The following GRIK4 variants were observed in gnomAD, a reference collection of about 807,000 sequenced individuals.
The protein encoded by GRIK4 is glutamate receptor ionotropic, kainate 4.
In GRIK4, 40 loss-of-function variants were observed where a neutral mutation model predicts 104.9. The observed-to-expected ratio is 0.38, with a 90% CI of 0.30 to 0.50. The LOEUF is 0.50. Among genes scored for constraint, GRIK4 ranks in the 20% least tolerant of loss-of-function variants. The pLI is 0.93. For synonymous variants in GRIK4, 485 were observed against 524.9 expected (o/e 0.92, Z 1.04); for missense variants, 1,047 against 1,308.1 (o/e 0.80, Z 3.08).
At chr11:120,816,677 C>T (rs572319476) in intron 5 of GRIK4, among the ~76,000 whole-genome samples, 10 of 152,112 alleles carry the variant, frequency 6.6e-5, no homozygotes, top group Non-Finnish European at 1.5e-4. Context: ...CAGTGAGTCC[C>T]TGACGCTTTG....
chr11:120,982,745 AT>A (rs34843975), intron 20 of GRIK4, among the ~76,000 whole-genome samples: 35,581 of 152,024 alleles, frequency 0.23, 4,371 homozygotes, highest in African/African-American at 0.3. Context: ...GCATTATTAG[AT>A]TTTTTTTAAA....
intron 1 of GRIK4, among the ~76,000 whole-genome samples, chr11:120,633,352 G>A (rs182385776): frequency 2.6e-5 from 4 of 152,264 alleles, no homozygotes; most frequent in African/African-American, 4.8e-5. Context: ...GATGGGGAGC[G>A]GAGAGAGCCA....
intron 1 of GRIK4, among the ~76,000 whole-genome samples, chr11:120,580,222 T>G (rs1948554711): frequency 1.4e-5 from 2 of 139,636 alleles, no homozygotes; most frequent in South Asian, 4.2e-4. Context: ...TTTCTTTCTT[T>G]CTTTCTTTCT....
At chr11:120,706,469 C>G (rs774053883) in intron 3 of GRIK4, among the ~76,000 whole-genome samples, 1 of 152,086 alleles carries the variant, frequency 6.6e-6, no homozygotes, top group Non-Finnish European at 1.5e-5. Flanking sequence ...TGCCCTGTGT[C>G]TCTCCCCTCC....
At position 120,737,016 on chromosome 11, in the gene GRIK4, G is replaced by A. The variant is rs543849009; in HGVS notation, c.83-65677G>A. 9.7e-4 allele frequency among the ~76,000 whole-genome samples: 148 copies of A among 152,294 alleles called. 3 individuals carry two copies. In the South Asian group the frequency reaches 0.027, roughly 28 times the overall value. ...CAACGTAAGAGGATTCCCACTAGCC[G>A]AAGATGACAACTTGAGCTTTAATAA... On this transcript the variant is annotated intron_variant, in intron 3 of 20. Coordinates refer to ENST00000527524, the MANE Select transcript of GRIK4 (RefSeq NM_014619.5).
chr11:120,962,414 T>C (rs752696338), intron 17 of GRIK4, 42 bp from the exon 18 acceptor site: 3 of 1,422,024 alleles, frequency 2.1e-6, no homozygotes, highest in Non-Finnish European at 2.9e-6. Flanking sequence ...CAACGTTTCC[T>C]TCCTCTTTTC....
rs535311813 is a variant in GRIK4 at position 120,794,287 on chromosome 11, G to A, written c.83-8406G>A. 2.6e-5 allele frequency among the ~76,000 whole-genome samples: 4 copies of A among 151,284 alleles called. No homozygotes were observed. The East Asian group carries it at 8.0e-4, about 30-fold the overall frequency. The stretch of plus-strand genomic sequence containing the variant: ...GGGAGGTGTTAGGGCTGAGAGCCAG[G>A]CGATGGTTGGAGGGGAAGGGTGGTG... On this transcript the variant is annotated intron_variant, in intron 3 of 20. Transcript: ENST00000527524.
At chr11:120,971,628 T>TAG (rs1398684918) in intron 19 of GRIK4, among the ~76,000 whole-genome samples, 3 of 152,160 alleles carry the variant, frequency 2.0e-5, no homozygotes, top group Non-Finnish European at 4.4e-5. Context: ...GTTTAGAAGC[T>TAG]AGAGAGAGAC....
chr11:120,612,212 G>C (rs572595986), intron 1 of GRIK4, among the ~76,000 whole-genome samples: 2 of 152,280 alleles, frequency 1.3e-5, no homozygotes, highest in South Asian at 2.1e-4. Flanking sequence ...GTCCGCCCGT[G>C]AACCACCATG....
At chr11:120,909,714 A>C (rs961035608) in intron 13 of GRIK4, among the ~76,000 whole-genome samples, 2 of 152,232 alleles carry the variant, frequency 1.3e-5, no homozygotes, top group East Asian at 3.8e-4. Flanking sequence ...GGGTTGACCA[A>C]GGAATCTCTT....
chr11:120,849,878 G>GGCAT (rs1953935759), intron 8 of GRIK4, among the ~76,000 whole-genome samples: 1 of 152,366 alleles, frequency 6.6e-6, no homozygotes, highest in East Asian at 1.9e-4. Context: ...AGTCCAGCAT[G>GGCAT]GCATGACTGG....
intron 10 of GRIK4, 95 bp downstream of exon 10, chr11:120,874,313 T>C: frequency 2.1e-6 from 2 of 956,716 alleles, no homozygotes; most frequent in Admixed American, 2.3e-5. Context: ...CCAGGCTTGC[T>C]CGAAATGTGT....
rs1289790551 is a variant in GRIK4, at chr11:120,953,933, T to A, written c.1700+969T>A. Reference sequence around the variant, plus strand: ...CTACTCAGGAGGAGCTTCTGGAATCTGTCCGTGGCTCTGGTTTGCAGGTGT... The same window carrying A: ...CTACTCAGGAGGAGCTTCTGGAATCAGTCCGTGGCTCTGGTTTGCAGGTGT... On this transcript the variant is annotated intron_variant, in intron 15 of 20. Coordinates refer to ENST00000527524, the MANE Select transcript of GRIK4 (RefSeq NM_014619.5). The surrounding 1 kb of genome is among the most constrained non-coding windows in gnomAD (Gnocchi z 4.9). 6.6e-6 allele frequency among the ~76,000 whole-genome samples: 1 copy of A among 152,210 alleles called. No individual in the cohort carries two copies.
intron 4 of GRIK4, among the ~76,000 whole-genome samples, chr11:120,803,190 C>T (rs118068005): frequency 9.2e-5 from 14 of 152,312 alleles, no homozygotes; most frequent in Admixed American, 6.5e-4. Flanking sequence ...ATAAGAGAGA[C>T]GGCCAGCCCA....
intron 20 of GRIK4, 106 bp downstream of exon 20, chr11:120,982,330 C>A: frequency 1.4e-6 from 1 of 716,548 alleles, no homozygotes; most frequent in Non-Finnish European, 2.5e-6. Context: ...GGAAGTGCAG[C>A]AAAGAGAATC....
intron 14 of GRIK4, among the ~76,000 whole-genome samples, chr11:120,944,265 T>A (rs1263560977): frequency 6.7e-6 from 1 of 148,638 alleles, no homozygotes; most frequent in Non-Finnish European, 1.5e-5. Context: ...ATGTCCATGG[T>A]CCTTTTCTAT....
chr11:120,621,408 G>A (rs556995093), intron 1 of GRIK4, among the ~76,000 whole-genome samples: 4 of 152,316 alleles, frequency 2.6e-5, no homozygotes, highest in African/African-American at 4.8e-5. Context: ...GTGTAAGCTT[G>A]TTTAGTGCAA....
rs1592018197 is a variant in GRIK4 at position 120,873,873 on chromosome 11, A to G, written c.907-193A>G. ...TGCCACCATTGTGTGTCTTGGGTGA[A>G]CACCTGACTATTAGATGAAGTAGAG... is the stretch of plus-strand genomic sequence containing the variant. On this transcript the variant is annotated intron_variant, in intron 9 of 20. Coordinates refer to ENST00000527524, the MANE Select transcript of GRIK4 (RefSeq NM_014619.5). 5.0e-5 allele frequency: 27 copies of G among 542,936 alleles called. No individual in the cohort carries two copies. The East Asian group carries it at 8.0e-4, about 16-fold the overall frequency. 33.6% of individuals were successfully genotyped at this position (542,936 alleles called of 1,614,324 possible).
intron 18 of GRIK4, among the ~76,000 whole-genome samples, chr11:120,964,457 T>C (rs771053672): frequency 4.6e-5 from 7 of 152,196 alleles, no homozygotes; most frequent in Admixed American, 1.3e-4. Flanking sequence ...TATATGCTAT[T>C]ATATGTCATT....
Sources: gnomAD v4.1 joint callset for allele counts (sites outside exome capture counted in the v4.1 genomes callset) on GRCh38, gnomAD v4.1.1 for gene constraint, Gnocchi (gnomAD v3.1) non-coding constraint, MANE v1.5 for transcripts, NCBI Gene and HGNC (gene_info 2026-07-23, HGNC 2026-07-21) for gene names.